ARID5B: variants seen among roughly 807,000 people sequenced by gnomAD.
ARID5B encodes AT-rich interaction domain 5B.
A neutral mutation model predicts 97.2 loss-of-function variants in ARID5B; 13 were observed. The observed-to-expected ratio is 0.13, with a 90% CI of 0.09 to 0.21. ARID5B has a LOEUF of 0.21. ARID5B is among the 10% of genes least tolerant of loss of function. The probability of loss-of-function intolerance (pLI) is 1.00; values close to 1 mark genes in which losing one functional copy is unlikely to be tolerated. For synonymous variants in ARID5B, 556 were observed against 570.3 expected (o/e 0.97, Z 0.36); for missense variants, 1,210 against 1,465.3 (o/e 0.83, Z 2.84).
intron 4 of ARID5B, among the ~76,000 whole-genome samples, chr10:62,026,530 C>A (rs1418676299): frequency 2.0e-5 from 3 of 152,132 alleles, no homozygotes; most frequent in African/African-American, 7.2e-5. Context: ...CTAAATGAAT[C>A]CTTCTTGTCA....
chr10:61,954,381 A>AT (rs1378493050), intron 3 of ARID5B, among the ~76,000 whole-genome samples: 2 of 151,800 alleles, frequency 1.3e-5, no homozygotes, highest in East Asian at 3.9e-4. Flanking sequence ...ATAAATAAAT[A>AT]AAAATAAAAT....
At chr10:62,073,497 A>T (rs1326026544) in intron 8 of ARID5B, among the ~76,000 whole-genome samples, 1 of 152,200 alleles carries the variant, frequency 6.6e-6, no homozygotes, top group Non-Finnish European at 1.5e-5. Context: ...ATGCTTGTGA[A>T]TACATCATTG....
At chr10:61,936,339 C>A (rs1355800085) in intron 2 of ARID5B, among the ~76,000 whole-genome samples, 3 of 152,198 alleles carry the variant, frequency 2.0e-5, no homozygotes, top group African/African-American at 7.2e-5. Flanking sequence ...ATTTCTGGGC[C>A]GGGTGCGGTG....
intron 2 of ARID5B, among the ~76,000 whole-genome samples, chr10:61,932,636 A>G (rs755620246): frequency 2.6e-5 from 4 of 151,616 alleles, no homozygotes; most frequent in Non-Finnish European, 5.9e-5. Flanking sequence ...CAAAATCACA[A>G]TTTCTTAAAA....
At chr10:61,935,943 A>G (rs79498125) in intron 2 of ARID5B, among the ~76,000 whole-genome samples, 8,179 of 152,304 alleles carry the variant, frequency 0.054, 331 homozygotes, top group East Asian at 0.16. Flanking sequence ...CACATGTCAC[A>G]TCGTTTCTGG....
intron 4 of ARID5B, among the ~76,000 whole-genome samples, chr10:62,012,580 A>G (rs1839232182): frequency 6.6e-6 from 1 of 152,192 alleles, no homozygotes; most frequent in Non-Finnish European, 1.5e-5. Flanking sequence ...TCACAAAACT[A>G]GTAAGTGGTC....
At chr10:62,060,896 T>C (rs1839913083) in intron 7 of ARID5B, among the ~76,000 whole-genome samples, 1 of 152,214 alleles carries the variant, frequency 6.6e-6, no homozygotes, top group African/African-American at 2.4e-5. Context: ...TGCTTTTGTG[T>C]CTTCTGTATC....
chr10:62,041,057 G>A (rs961475879), intron 4 of ARID5B, among the ~76,000 whole-genome samples: 1 of 152,078 alleles, frequency 6.6e-6, no homozygotes, highest in African/African-American at 2.4e-5. Flanking sequence ...CTTGCCCCAC[G>A]GCTTATAATC....
rs1304519097 is a variant in ARID5B, at chr10:62,091,655, G to C, written c.2192G>C (p.Ser731Thr). 4 of 1,614,170 alleles carry C rather than the reference G, an allele frequency of 2.5e-6. No individual in the cohort carries two copies. In the South Asian group the frequency reaches 4.4e-5, roughly 18 times the overall value. The stretch of plus-strand genomic sequence containing the variant: ...ATTGCTAGGGATGACTTGTGTTCCA[G>C]TTTGTCCCAGACCCACCATGGCCAA... ...KLIARDDLCS[S>T]LSQTHHGQST... The change falls in exon 10 of 10, where the codon AGT becomes ACT. Residue 731 changes from serine to threonine, a missense_variant. Coordinates refer to ENST00000279873, the MANE Select transcript of ARID5B (RefSeq NM_032199.3).
At chr10:62,089,596 C>T (rs1014145551) in intron 9 of ARID5B, among the ~76,000 whole-genome samples, 15 of 146,954 alleles carry the variant, frequency 1.0e-4, no homozygotes, top group Non-Finnish European at 1.6e-4. Context: ...GGCATGATCT[C>T]GGCTCACCGC....
chr10:62,091,189 G>A lies in ARID5B; in HGVS notation c.1726G>A (p.Glu576Lys). The change falls in exon 10 of 10, where the codon GAA becomes AAA. Residue 576 changes from glutamate to lysine, a missense_variant. Physicochemically the swap from Glu to Lys is moderately conservative, Grantham distance 56. Coordinates refer to ENST00000279873, the MANE Select transcript of ARID5B (RefSeq NM_032199.3). ...TAGTGCCCTGGTGGACTCAAAACAA[G>A]AATCCAAACTGTGCTGTTTTACAGA... ...SPSALVDSKQ[E>K]SKLCCFTESP... 6.2e-7 allele frequency: 1 copy of A among 1,614,128 alleles called. No individual in the cohort carries two copies. Among genetic ancestry groups the A allele is most frequent in the East Asian group, 2.2e-5 (1 of 44,868 alleles).
At chr10:62,069,494 T>G (rs140848502) in intron 7 of ARID5B, among the ~76,000 whole-genome samples, 24 of 152,332 alleles carry the variant, frequency 1.6e-4, no homozygotes, top group African/African-American at 5.3e-4. Flanking sequence ...CATCCAAAAG[T>G]AGAATTCCAT....
chr10:62,087,868 A>G (rs1331307420), intron 9 of ARID5B, among the ~76,000 whole-genome samples: 1 of 144,806 alleles, frequency 6.9e-6, no homozygotes, highest in Admixed American at 6.9e-5. Context: ...GATGATGCAG[A>G]TTTTTTTTTT....
intron 8 of ARID5B, among the ~76,000 whole-genome samples, chr10:62,073,301 T>C (rs1381506314): frequency 2.0e-5 from 3 of 152,256 alleles, no homozygotes; most frequent in African/African-American, 7.2e-5. Flanking sequence ...TTTCATGCAC[T>C]GTGGTTCATG....
intron 4 of ARID5B, among the ~76,000 whole-genome samples, chr10:62,004,060 A>T (rs1296163098): frequency 6.6e-6 from 1 of 152,182 alleles, no homozygotes; most frequent in Non-Finnish European, 1.5e-5. Context: ...TGTCATTTTG[A>T]TTTTTATTTA....
At chr10:61,906,529 C>G (rs776459455) in intron 2 of ARID5B, among the ~76,000 whole-genome samples, 1 of 152,176 alleles carries the variant, frequency 6.6e-6, no homozygotes, top group Non-Finnish European at 1.5e-5. Flanking sequence ...GACCAGCCAT[C>G]GCTGGGATTT....
chr10:61,942,011 TTTAA>T (rs1262895878), intron 3 of ARID5B, among the ~76,000 whole-genome samples: 2 of 152,248 alleles, frequency 1.3e-5, no homozygotes, highest in African/African-American at 2.4e-5. Flanking sequence ...CTTTTGTTTG[TTTAA>T]TTTTGTGTGT....
intron 2 of ARID5B, among the ~76,000 whole-genome samples, chr10:61,930,274 T>C (rs1262694857): frequency 1.3e-5 from 2 of 152,246 alleles, no homozygotes; most frequent in African/African-American, 4.8e-5. Flanking sequence ...CAAGGGTCTC[T>C]TGCATATGTA....
intron 3 of ARID5B, among the ~76,000 whole-genome samples, chr10:61,984,851 T>C (rs923803649): frequency 6.6e-6 from 1 of 152,134 alleles, no homozygotes; most frequent in African/African-American, 2.4e-5. Flanking sequence ...TCTCTCCTTC[T>C]GACCTTTTGA....
Sources: gnomAD v4.1 joint callset for allele counts (sites outside exome capture counted in the v4.1 genomes callset) on GRCh38, gnomAD v4.1.1 for gene constraint, MANE v1.5 for transcripts, NCBI Gene and HGNC (gene_info 2026-07-23, HGNC 2026-07-21) for gene names.